PTPRG: variants seen among roughly 807,000 people sequenced by gnomAD.
The protein encoded by PTPRG is receptor-type tyrosine-protein phosphatase gamma.
A neutral mutation model predicts 165.3 loss-of-function variants in PTPRG; 102 were observed. That is an observed-to-expected ratio of 0.62 (90% CI 0.53 to 0.73). The LOEUF (loss-of-function observed/expected upper bound fraction) is 0.73, where lower values mean the gene tolerates loss of function less well. Ranked by LOEUF, PTPRG falls within the 30% of genes least tolerant of loss-of-function variation. PTPRG has a pLI of 0.00. For synonymous variants in PTPRG, 675 were observed against 669.5 expected (o/e 1.01, Z -0.13); for missense variants, 1,866 against 1,861.4 (o/e 1.00, Z -0.05).
At chr3:62,150,079 G>C (rs1704273562) in intron 6 of PTPRG, among the ~76,000 whole-genome samples, 3 of 152,162 alleles carry the variant, frequency 2.0e-5, no homozygotes, top group Admixed American at 2.0e-4. Context: ...CAGTGATCCT[G>C]CCCTTGAAAT....
intron 11 of PTPRG, among the ~76,000 whole-genome samples, chr3:62,202,875 A>G (rs1314387109): frequency 6.6e-6 from 1 of 152,190 alleles, no homozygotes; most frequent in Non-Finnish European, 1.5e-5. Context: ...CTTTAACACT[A>G]CTTAGTTTTT....
chr3:62,041,396 G>C (rs745771748), intron 4 of PTPRG, among the ~76,000 whole-genome samples: 1 of 152,144 alleles, frequency 6.6e-6, no homozygotes, highest in African/African-American at 2.4e-5. Flanking sequence ...TTGTCAAAAG[G>C]TTGAGATGAT....
chr3:62,233,305 G>A lies in PTPRG; in HGVS notation c.2375+1994G>A, dbSNP rs558392475. Among the ~76,000 whole-genome samples, 10 of 152,234 alleles carry A rather than the reference G, an allele frequency of 6.6e-5. No individual in the cohort carries two copies. Among genetic ancestry groups the A allele is most frequent in the African/African-American group, 2.4e-4 (10 of 41,532 alleles). Reference sequence around the variant, plus strand: ...CATGTCTGTGCTTCTTACGCTAGCCGCCCTGCTGTAATGTACAATTCCTCA... The same window carrying A: ...CATGTCTGTGCTTCTTACGCTAGCCACCCTGCTGTAATGTACAATTCCTCA... On this transcript the variant is annotated intron_variant, in intron 14 of 29. Transcript: ENST00000474889. This position sits in a 1 kb window ranked among gnomAD's most constrained non-coding sequence, Gnocchi z 4.7.
intron 14 of PTPRG, among the ~76,000 whole-genome samples, chr3:62,231,980 G>A (rs897882659): frequency 2.6e-5 from 4 of 152,092 alleles, no homozygotes; most frequent in Admixed American, 2.0e-4. Flanking sequence ...TTTCTGTAAG[G>A]CCTGTCTTAG....
chr3:62,005,606 G>A (rs976005796), intron 4 of PTPRG, among the ~76,000 whole-genome samples: 2 of 147,628 alleles, frequency 1.4e-5, no homozygotes, highest in Non-Finnish European at 3.0e-5. Context: ...TTGCCTCTGT[G>A]TAATTACATT....
At chr3:61,942,114 C>T (rs1480499612) in intron 2 of PTPRG, among the ~76,000 whole-genome samples, 5 of 149,742 alleles carry the variant, frequency 3.3e-5, no homozygotes, top group African/African-American at 7.4e-5. Flanking sequence ...GCGGAGATCG[C>T]GCTACTACAC....
intron 1 of PTPRG, among the ~76,000 whole-genome samples, chr3:61,624,498 A>C (rs1701552028): frequency 6.6e-6 from 1 of 152,180 alleles, no homozygotes; most frequent in Non-Finnish European, 1.5e-5. Flanking sequence ...GGTTTGAGCC[A>C]CAGCATCCAT....
chr3:61,884,967 C>T (rs1024090656), intron 2 of PTPRG, among the ~76,000 whole-genome samples: 1 of 152,134 alleles, frequency 6.6e-6, no homozygotes, highest in Non-Finnish European at 1.5e-5. Flanking sequence ...ATCAGAGTAC[C>T]TGTTCTCCTG....
chr3:61,821,642 T>C (rs1011719213), intron 2 of PTPRG, among the ~76,000 whole-genome samples: 2 of 152,118 alleles, frequency 1.3e-5, no homozygotes, highest in African/African-American at 4.8e-5. Flanking sequence ...ACCCTAAGCA[T>C]AGAAGACAGA....
At chr3:62,008,081 A>G (rs1259125006) in intron 4 of PTPRG, among the ~76,000 whole-genome samples, 1 of 152,204 alleles carries the variant, frequency 6.6e-6, no homozygotes, top group African/African-American at 2.4e-5. Context: ...ACAGTTATCT[A>G]TGACAGCTTC....
At chr3:62,054,684 G>A (rs929017708) in intron 4 of PTPRG, among the ~76,000 whole-genome samples, 1 of 152,206 alleles carries the variant, frequency 6.6e-6, no homozygotes, top group African/African-American at 2.4e-5. Context: ...ATTTGGAAAT[G>A]GAAGCAGAAA....
chr3:62,217,343 C>G lies in PTPRG; in HGVS notation c.2156-1508C>G, dbSNP rs1231759739. Among the ~76,000 whole-genome samples, 1 of 152,182 alleles carries G rather than the reference C, an allele frequency of 6.6e-6. No homozygotes were observed. Among genetic ancestry groups the G allele is most frequent in the Non-Finnish European group, 1.5e-5 (1 of 68,040 alleles). On this transcript the variant is annotated intron_variant, in intron 12 of 29. Transcript: ENST00000474889. This position sits in a 1 kb window ranked among gnomAD's most constrained non-coding sequence, Gnocchi z 4.3. ...TCCTGTCTGCGTCACAGGCCTGTGC[C>G]TGAAACAAAGGAGGTGGTCAACATC...
chr3:62,178,254 T>G (rs1470416129), intron 8 of PTPRG, among the ~76,000 whole-genome samples: 2 of 150,184 alleles, frequency 1.3e-5, no homozygotes, highest in East Asian at 2.0e-4. Flanking sequence ...TCCATGGATG[T>G]ATGGGAGGAT....
chr3:61,818,778 A>C (rs1294947378), intron 2 of PTPRG, among the ~76,000 whole-genome samples: 2 of 152,286 alleles, frequency 1.3e-5, no homozygotes, highest in African/African-American at 2.4e-5. Context: ...AGAGAAAAAA[A>C]ATATTAAAAA....
chr3:61,888,836 C>G (rs955779068), intron 2 of PTPRG, among the ~76,000 whole-genome samples: 42 of 152,280 alleles, frequency 2.8e-4, no homozygotes, highest in Admixed American at 2.7e-3. Context: ...TAATCTGGAA[C>G]TGTTCCTGAG....
At position 61,747,858 on chromosome 3, in the gene PTPRG, C is replaced by T. The variant is rs540325372; in HGVS notation, c.86-1020C>T. ...TGCATTTAAATGTTATCATAGTCAG[C>T]TGGGGTATATTGTTTGCGTGTAATT... On this transcript the variant is annotated intron_variant, in intron 1 of 29. Transcript: ENST00000474889. Among the ~76,000 whole-genome samples, 26 of 151,914 alleles carry T rather than the reference C, an allele frequency of 1.7e-4. No homozygotes were observed. In the South Asian group the frequency reaches 4.8e-3, roughly 28 times the overall value.
chr3:61,647,578 C>A (rs555938194), intron 1 of PTPRG, among the ~76,000 whole-genome samples: 1 of 152,026 alleles, frequency 6.6e-6, no homozygotes, highest in East Asian at 1.9e-4. Context: ...ATCACGAAGT[C>A]AGGAGATCGA....
intron 2 of PTPRG, among the ~76,000 whole-genome samples, chr3:61,939,418 A>C (rs903201122): frequency 1.3e-5 from 2 of 152,244 alleles, no homozygotes; most frequent in African/African-American, 4.8e-5. Context: ...AGAAAAAGCC[A>C]GTGCTTAATA....
At chr3:61,847,442 C>G (rs1169784958) in intron 2 of PTPRG, among the ~76,000 whole-genome samples, 1 of 152,156 alleles carries the variant, frequency 6.6e-6, no homozygotes, top group Non-Finnish European at 1.5e-5. Context: ...AGCTGTGAGA[C>G]AACAACTGTT....
Sources: gnomAD v4.1 joint callset for allele counts (sites outside exome capture counted in the v4.1 genomes callset) on GRCh38, gnomAD v4.1.1 for gene constraint, Gnocchi (gnomAD v3.1) non-coding constraint, MANE v1.5 for transcripts, NCBI Gene and HGNC (gene_info 2026-07-23, HGNC 2026-07-21) for gene names.